Variants in APLP2 observed in about 807,000 individuals in gnomAD.
APLP2 encodes CDEI box-binding protein.
A neutral mutation model predicts 89.9 loss-of-function variants in APLP2; 53 were observed. That is an observed-to-expected ratio of 0.59 (90% CI 0.47 to 0.74). The LOEUF is 0.74. Ranked by LOEUF, APLP2 falls within the 30% of genes least tolerant of loss-of-function variation. The pLI, the probability that APLP2 is intolerant of heterozygous loss-of-function variation, is 0.00. For missense variants in APLP2, 973 were observed against 975.9 expected (o/e 1.00, Z 0.04); for synonymous variants, 372 against 348.6 (o/e 1.07, Z -0.75).
At chr11:130,096,142 TTC>T (rs761406316) in intron 1 of APLP2, among the ~76,000 whole-genome samples, 4 of 152,008 alleles carry the variant, frequency 2.6e-5, no homozygotes, top group Non-Finnish European at 5.9e-5. Context: ...AGGCTTCGAG[TTC>T]TGGGAGTTCA....
At chr11:130,099,597 T>C (rs998557374) in intron 1 of APLP2, among the ~76,000 whole-genome samples, 1 of 152,254 alleles carries the variant, frequency 6.6e-6, no homozygotes, top group African/African-American at 2.4e-5. Flanking sequence ...CCATTTTCTT[T>C]TAAATGTATT....
chr11:130,143,539 C>A lies in APLP2; in HGVS notation c.*91C>A. The stretch of plus-strand genomic sequence containing the variant: ...TCGACTGCCAAGCAGCAGCCGCTGC[C>A]AGGGGCTGCGTCTGACATCCTGACC... On this transcript the variant is annotated 3_prime_UTR_variant, in exon 17 of 17. Transcript: ENST00000338167. The A allele has an allele frequency of 9.0e-7, 1 of 1,108,864 alleles. No homozygotes were observed. Among genetic ancestry groups the A allele is most frequent in the Non-Finnish European group, 1.4e-6 (1 of 731,736 alleles). The allele number at this position is 1,108,864 out of a possible 1,614,324, so 68.7% of individuals were successfully genotyped here.
At chr11:130,083,062 G>A (rs541508890) in intron 1 of APLP2, among the ~76,000 whole-genome samples, 23 of 109,582 alleles carry the variant, frequency 2.1e-4, no homozygotes, top group Admixed American at 4.1e-4. Context: ...TTGAGACACG[G>A]TCTCACACTG....
intron 8 of APLP2, among the ~76,000 whole-genome samples, chr11:130,127,346 C>G (rs962493548): frequency 6.6e-6 from 1 of 152,146 alleles, no homozygotes; most frequent in Non-Finnish European, 1.5e-5. Context: ...TCTGGATTTA[C>G]TCAGGATTGA....
chr11:130,116,735 G>T (rs548047514), intron 3 of APLP2, among the ~76,000 whole-genome samples: 263 of 152,116 alleles, frequency 1.7e-3, no homozygotes, highest in Middle Eastern at 0.01. Context: ...GCCTCATAAA[G>T]TGCTGGGATT....
chr11:130,072,085 C>T (rs2135291068), intron 1 of APLP2, among the ~76,000 whole-genome samples: 1 of 152,286 alleles, frequency 6.6e-6, no homozygotes, highest in Admixed American at 6.5e-5. Context: ...TTTAGTGTTG[C>T]TTGGTGTTGA....
intron 13 of APLP2, among the ~76,000 whole-genome samples, chr11:130,136,545 C>A (rs760609962): frequency 6.6e-6 from 1 of 152,104 alleles, no homozygotes; most frequent in Non-Finnish European, 1.5e-5. Flanking sequence ...TCTGGTCCTG[C>A]AGTCACAGAC....
chr11:130,070,028 T>C lies in APLP2; in HGVS notation c.51T>C (p.Leu17=). The part of the protein sequence containing the change: ...AAAAATGRLL[L]LLLVGLTAPA... ...CCGCAGCCACGGGCAGGCTCCTGCT[T>C]CTGCTGCTGGTGGGGCTCACGGCGC... Residue 17 remains leucine (L), a synonymous_variant, in exon 1 of 17, where the codon CTT becomes CTC. Transcript: ENST00000338167. 1 of 1,514,252 alleles carries C rather than the reference T, an allele frequency of 6.6e-7. No individual in the cohort carries two copies. The highest frequency in any genetic ancestry group is 1.2e-5 in the South Asian group (1 of 82,514). The allele number at this position is 1,514,252 out of a possible 1,614,324, so 93.8% of individuals were successfully genotyped here.
chr11:130,103,440 G>T (rs2135714653), intron 1 of APLP2, among the ~76,000 whole-genome samples: 1 of 152,148 alleles, frequency 6.6e-6, no homozygotes, highest in South Asian at 2.1e-4. Flanking sequence ...GGATCTGTTG[G>T]TGCTTAGCTG....
chr11:130,079,358 C>A (rs985544070), intron 1 of APLP2, among the ~76,000 whole-genome samples: 2 of 152,110 alleles, frequency 1.3e-5, no homozygotes, highest in African/African-American at 4.8e-5. Flanking sequence ...CTTGGCCTAC[C>A]AAAGTGCTGA....
At chr11:130,098,162 T>G (rs531112328) in intron 1 of APLP2, among the ~76,000 whole-genome samples, 1 of 152,160 alleles carries the variant, frequency 6.6e-6, no homozygotes, top group South Asian at 2.1e-4. Context: ...ATCCCAGCAC[T>G]TTGGGAGGCT....
chr11:130,070,710 G>GTT, intron 1 of APLP2: 1 of 1,477,506 alleles, frequency 6.8e-7, no homozygotes, highest in Non-Finnish European at 8.9e-7. Context: ...AAGTGGCGCT[G>GTT]TTTGCCTGCG....
At chr11:130,143,324 A>AC (rs768058817) in intron 16 of APLP2, 23 bp from the exon 17 acceptor site, 20 of 1,606,910 alleles carry the variant, frequency 1.2e-5, no homozygotes, top group Non-Finnish European at 1.6e-5. Flanking sequence ...CACCACAATG[A>AC]CCCTCAGGTT....
At chr11:130,101,165 C>A (rs1029943946) in intron 1 of APLP2, among the ~76,000 whole-genome samples, 1 of 151,922 alleles carries the variant, frequency 6.6e-6, no homozygotes, top group Non-Finnish European at 1.5e-5. Context: ...GGATGTGTAC[C>A]CGTGTGTTTT....
chr11:130,125,291 G>A (rs1366498066), intron 7 of APLP2, among the ~76,000 whole-genome samples: 1 of 152,168 alleles, frequency 6.6e-6, no homozygotes, highest in Non-Finnish European at 1.5e-5. Context: ...GCCTGTGTTT[G>A]CTGTTCCCTT....
intron 2 of APLP2, 137 bp downstream of exon 2, chr11:130,109,739 G>A (rs1413177143): frequency 2.2e-6 from 2 of 927,932 alleles, no homozygotes; most frequent in Non-Finnish European, 3.1e-6. Flanking sequence ...CAAGCCTTTT[G>A]TTTCTAAATG....
intron 1 of APLP2, among the ~76,000 whole-genome samples, chr11:130,085,914 A>G (rs1401589798): frequency 3.3e-5 from 5 of 152,204 alleles, no homozygotes; most frequent in African/African-American, 1.2e-4. Context: ...TCCATTGTGC[A>G]TATATACCAC....
intron 13 of APLP2, chr11:130,137,315 T>G (rs1951749110): frequency 6.2e-7 from 1 of 1,605,698 alleles, no homozygotes; most frequent in South Asian, 1.1e-5. Flanking sequence ...AGATGTTCCC[T>G]TTAAGACCTT....
intron 14 of APLP2, chr11:130,140,993 A>G (rs58872843): frequency 0.055 from 8,004 of 145,774 alleles, 634 homozygotes; most frequent in African/African-American, 0.18. Context: ...TGCAAGCTCC[A>G]CCTCCCGGGT....
Sources: allele counts gnomAD v4.1 joint callset (sites outside exome capture counted in the v4.1 genomes callset), GRCh38; gene constraint gnomAD v4.1.1; transcripts MANE v1.5; gene names NCBI Gene and HGNC (gene_info 2026-07-23, HGNC 2026-07-21).